TRAPPC10: variants seen among roughly 807,000 people sequenced by gnomAD.
TRAPPC10 encodes TRAPP 130 kDa subunit.
A neutral mutation model predicts 125.5 loss-of-function variants in TRAPPC10; 23 were observed. That is an observed-to-expected ratio of 0.18 (90% confidence interval 0.13 to 0.26). The LOEUF (loss-of-function observed/expected upper bound fraction) is 0.26. TRAPPC10 is among the 10% of genes least tolerant of loss of function. The pLI is 1.00. For missense variants in TRAPPC10, 1,123 were observed against 1,308.4 expected, an observed-to-expected ratio of 0.86 and a Z score of 2.19; for synonymous variants, 509 against 518.0, an observed-to-expected ratio of 0.98 and a Z score of 0.24.
intron 4 of TRAPPC10, 33 bp from the exon 5 acceptor site, chr21:44,055,665 T>G (rs1601683443): frequency 6.5e-7 from 1 of 1,534,604 alleles, no homozygotes; most frequent in Admixed American, 1.7e-5. Flanking sequence ...GCATGGAGGG[T>G]CTTTCCCAGA....
intron 3 of TRAPPC10, among the ~76,000 whole-genome samples, chr21:44,045,502 T>A (rs2034722565): frequency 6.6e-6 from 1 of 152,138 alleles, no homozygotes; most frequent in African/African-American, 2.4e-5. Context: ...ATTATTATTT[T>A]TGTTATTTTG....
At chr21:44,072,104 G>A (rs903210013) in intron 7 of TRAPPC10, among the ~76,000 whole-genome samples, 1 of 152,204 alleles carries the variant, frequency 6.6e-6, no homozygotes. Context: ...TTACCAAAGC[G>A]GGACTTGCTC....
At chr21:44,018,729 T>G (rs2032160371) in intron 1 of TRAPPC10, among the ~76,000 whole-genome samples, 1 of 151,038 alleles carries the variant, frequency 6.6e-6, no homozygotes. Context: ...GCATAACACA[T>G]GAACCAGTCT....
At chr21:44,072,837 G>A (rs1007235892) in intron 7 of TRAPPC10, among the ~76,000 whole-genome samples, 1 of 152,196 alleles carries the variant, frequency 6.6e-6, no homozygotes, top group Non-Finnish European at 1.5e-5. Flanking sequence ...TTGCGCAGTG[G>A]GTACTGATGG....
At chr21:44,020,668 T>C (rs1205476951) in intron 1 of TRAPPC10, among the ~76,000 whole-genome samples, 1 of 151,926 alleles carries the variant, frequency 6.6e-6, no homozygotes, top group Non-Finnish European at 1.5e-5. Context: ...AATTTCAGGG[T>C]TGAAATTTTT....
intron 7 of TRAPPC10, among the ~76,000 whole-genome samples, chr21:44,071,356 G>A (rs984134934): frequency 6.6e-6 from 1 of 152,208 alleles, no homozygotes; most frequent in African/African-American, 2.4e-5. Context: ...ATACCTTGTT[G>A]TATGCATTTT....
intron 12 of TRAPPC10, 153 bp downstream of exon 12, chr21:44,079,857 GTCGAT>G: frequency 9.2e-7 from 1 of 1,083,618 alleles, no homozygotes; most frequent in South Asian, 1.6e-5. Flanking sequence ...GAAATGTCTA[GTCGAT>G]TTTTTATAAT....
chr21:44,036,780 A>G (rs1275855871), intron 2 of TRAPPC10, among the ~76,000 whole-genome samples: 2 of 152,176 alleles, frequency 1.3e-5, no homozygotes, highest in Non-Finnish European at 2.9e-5. Context: ...TTAAAAATCT[A>G]AAATTTCAGA....
At chr21:44,051,321 A>G (rs930466437) in intron 3 of TRAPPC10, among the ~76,000 whole-genome samples, 1 of 152,206 alleles carries the variant, frequency 6.6e-6, no homozygotes, top group Admixed American at 6.5e-5. Flanking sequence ...GGAACTAGCA[A>G]AAGAGGAGAA....
Position 44,075,132 on chromosome 21 carries a change from G to C in TRAPPC10, c.1279G>C (p.Gly427Arg). ...NRTVDLLAGL[G>R]AERPETANTA... The stretch of plus-strand genomic sequence containing the variant: ...GACAGTTGACCTTTTGGCAGGTTTG[G>C]GAGCTGAGCGACCAGAAACAGGTAC... The change falls in exon 9 of 23, where the codon GGA becomes CGA. Residue 427 changes from glycine to arginine, a missense_variant. Around this residue, in one of 4 missense-constraint regions of TRAPPC10, gnomAD observed 840 missense variants for 902.0 expected, o/e 0.93. Transcript: ENST00000291574. 1 of 1,614,120 alleles carries C rather than the reference G, an allele frequency of 6.2e-7. No homozygotes were observed. The highest frequency in any genetic ancestry group is 8.5e-7 in the Non-Finnish European group (1 of 1,179,984).
intron 17 of TRAPPC10, chr21:44,089,457 G>T: frequency 2.3e-6 from 1 of 434,078 alleles, no homozygotes. Flanking sequence ...GGAAATACAT[G>T]ACTGAAAGCA....
intron 5 of TRAPPC10, 31 bp downstream of exon 5, chr21:44,055,924 C>T (rs1168959736): frequency 6.7e-7 from 1 of 1,498,416 alleles, no homozygotes; most frequent in African/African-American, 1.4e-5. Context: ...CTAGACAGTT[C>T]CTTCTCTCCT....
In TRAPPC10 at chr21:44,086,618, A is replaced by G. The variant is rs570107940; in HGVS notation, c.2381-184A>G. ...CAGCAAGGTTCTCCTTCAACCCTGT[A>G]GTCCACATCATTGAGATGAAAAGTT... On this transcript the variant is annotated intron_variant, in intron 15 of 22. Coordinates refer to ENST00000291574, the MANE Select transcript of TRAPPC10 (RefSeq NM_003274.5). Among the ~76,000 whole-genome samples the G allele has an allele frequency of 3.8e-4, 58 of 152,320 alleles. 1 individual carries two copies. In the South Asian group the frequency reaches 0.012, roughly 31 times the overall value.
At chr21:44,091,785 A>G in intron 18 of TRAPPC10, 138 bp from the exon 19 acceptor site, 2 of 842,732 alleles carry the variant, frequency 2.4e-6, no homozygotes, top group Non-Finnish European at 3.6e-6. Context: ...CTGAAGGGAA[A>G]CTTATGCAAC....
At chr21:44,016,072 A>G (rs2031806682) in intron 1 of TRAPPC10, among the ~76,000 whole-genome samples, 1 of 152,236 alleles carries the variant, frequency 6.6e-6, no homozygotes, top group Non-Finnish European at 1.5e-5. Context: ...TGGGAGCTGA[A>G]CAGTTAGTGG....
intron 5 of TRAPPC10, among the ~76,000 whole-genome samples, chr21:44,058,130 G>T (rs1373088115): frequency 6.6e-6 from 1 of 152,216 alleles, no homozygotes; most frequent in African/African-American, 2.4e-5. Flanking sequence ...TGACGCATAT[G>T]CTAGGGCGAG....
intron 7 of TRAPPC10, among the ~76,000 whole-genome samples, chr21:44,068,854 A>G (rs945787785): frequency 2.0e-5 from 3 of 152,110 alleles, no homozygotes; most frequent in African/African-American, 7.2e-5. Context: ...TACCCTCCTC[A>G]GCCTCCCGAA....
chr21:44,031,549 C>A (rs575598610), intron 1 of TRAPPC10, among the ~76,000 whole-genome samples: 1 of 152,136 alleles, frequency 6.6e-6, no homozygotes, highest in Non-Finnish European at 1.5e-5. Flanking sequence ...GAATTGGGGT[C>A]GTGTTTGTGC....
At chr21:44,043,766 G>A (rs1243125400) in intron 3 of TRAPPC10, among the ~76,000 whole-genome samples, 1 of 152,204 alleles carries the variant, frequency 6.6e-6, no homozygotes, top group African/African-American at 2.4e-5. Flanking sequence ...TTGAGAGGAA[G>A]TCCTAAAAGA....
Sources: gnomAD v4.1 joint callset for allele counts (sites outside exome capture counted in the v4.1 genomes callset) on GRCh38, gnomAD v4.1.1 for gene constraint, gnomAD v4.1.1 regional missense constraint, MANE v1.5 for transcripts, NCBI Gene and HGNC (gene_info 2026-07-23, HGNC 2026-07-21) for gene names.